The following DENND4C variants were observed in gnomAD, a reference collection of about 807,000 sequenced individuals.
DENND4C encodes DENN domain-containing protein 4C.
Under a neutral mutation model 203.0 loss-of-function variants are expected in DENND4C, and 108 were observed. That is an observed-to-expected ratio of 0.53 (90% CI 0.46 to 0.62). The LOEUF is 0.62. Among genes scored for constraint, DENND4C ranks in the 20% least tolerant of loss-of-function variants. DENND4C has a pLI of 0.00. For synonymous variants in DENND4C, 871 were observed against 792.4 expected (o/e 1.10, Z -1.67); for missense variants, 2,481 against 2,301.2 (o/e 1.08, Z -1.60).
At chr9:19,323,986 A>G (rs1843310399) in intron 12 of DENND4C, among the ~76,000 whole-genome samples, 1 of 152,216 alleles carries the variant, frequency 6.6e-6, no homozygotes, top group African/African-American at 2.4e-5. Flanking sequence ...TTCTACACGT[A>G]AGTACTTAAC....
intron 5 of DENND4C, 25 bp from the exon 6 acceptor site, chr9:19,295,983 A>C: frequency 1.3e-6 from 2 of 1,516,820 alleles, no homozygotes; most frequent in Non-Finnish European, 1.8e-6. Flanking sequence ...CTCAAATCTT[A>C]TAACAGAATT....
intron 20 of DENND4C, chr9:19,337,633 C>A (rs1248525954): frequency 7.8e-7 from 1 of 1,287,820 alleles, no homozygotes; most frequent in Non-Finnish European, 1.0e-6. Flanking sequence ...TATGGATACA[C>A]GTGTGCATTA....
chr9:19,301,224 T>C (rs1176801786), intron 9 of DENND4C, among the ~76,000 whole-genome samples: 1 of 151,926 alleles, frequency 6.6e-6, no homozygotes, highest in Non-Finnish European at 1.5e-5. Context: ...TGTATAGGGC[T>C]TTATAGGCCA....
Position 19,296,165 on chromosome 9 carries a change from C to G in DENND4C, c.959C>G (p.Pro320Arg), listed in dbSNP as rs1426621012. The change falls in exon 6 of 33, where the codon CCT becomes CGT. Residue 320 changes from proline to arginine, a missense_variant. By Grantham distance (103) the Pro-to-Arg change is moderately radical. Transcript: ENST00000434457. ...NKCICLLSHW[P>R]FFEAFRKFLM... is the part of the protein sequence containing the mutation. ...TGCATTTGTTTACTCTCACACTGGC[C>G]TTTTTTTGAAGCTTTTAGGAAATTT... 6.2e-7 allele frequency: 1 copy of G among 1,613,534 alleles called. No homozygotes were observed. The highest frequency in any genetic ancestry group is 8.5e-7 in the Non-Finnish European group (1 of 1,179,848).
intron 1 of DENND4C, among the ~76,000 whole-genome samples, chr9:19,245,680 C>A (rs1439097180): frequency 1.3e-5 from 2 of 152,014 alleles, no homozygotes; most frequent in Non-Finnish European, 2.9e-5. Flanking sequence ...CGTGGTGAAA[C>A]CCCGTCTCTA....
At chr9:19,302,246 A>C (rs930286041) in intron 9 of DENND4C, among the ~76,000 whole-genome samples, 2 of 152,256 alleles carry the variant, frequency 1.3e-5, no homozygotes, top group Non-Finnish European at 2.9e-5. Context: ...AATGCATCAA[A>C]AGGAGAATGA....
intron 1 of DENND4C, among the ~76,000 whole-genome samples, chr9:19,252,277 C>A (rs1323764211): frequency 1.3e-5 from 2 of 152,144 alleles, no homozygotes; most frequent in African/African-American, 4.8e-5. Context: ...TTATTCACTT[C>A]CATGAGAACA....
chr9:19,318,531 G>A (rs1842215879), intron 12 of DENND4C, among the ~76,000 whole-genome samples: 1 of 152,120 alleles, frequency 6.6e-6, no homozygotes, highest in Non-Finnish European at 1.5e-5. Flanking sequence ...AAAGCACAAG[G>A]TCTGCGGATT....
chr9:19,362,107 CTA>C, intron 30 of DENND4C, 144 bp downstream of exon 30: 1 of 517,494 alleles, frequency 1.9e-6, no homozygotes, highest in South Asian at 2.2e-5. Context: ...AATCCTGTCT[CTA>C]TTAAAAATAC....
intron 12 of DENND4C, among the ~76,000 whole-genome samples, chr9:19,321,318 T>A (rs1842835784): frequency 6.6e-6 from 1 of 152,076 alleles, no homozygotes; most frequent in Non-Finnish European, 1.5e-5. Flanking sequence ...GGAATTAGAT[T>A]GAGTAGAACC....
At chr9:19,237,287 G>T (rs1822214006) in intron 1 of DENND4C, among the ~76,000 whole-genome samples, 1 of 152,198 alleles carries the variant, frequency 6.6e-6, no homozygotes. Flanking sequence ...CCAGAGTGCT[G>T]GGATTACAGG....
rs183267536 is a variant in DENND4C, at chr9:19,352,281, A to T, written c.4605+99A>T. On this transcript the variant is annotated intron_variant, in intron 25 of 32. Transcript: ENST00000434457. ...ATTCTAAGATACCCTTGTGGACAGT[A>T]TAATAAAATAAGTCATTTTGTTGAA... 2.0e-5 allele frequency: 23 copies of T among 1,171,188 alleles called. No individual in the cohort carries two copies. In the East Asian group the frequency reaches 5.0e-4, roughly 25 times the overall value. 72.5% of individuals were successfully genotyped at this position (1,171,188 alleles called of 1,614,324 possible). A position where few individuals can be genotyped will look rare whatever the true frequency, so the allele number is the denominator to read the frequency against.
chr9:19,240,344 CAT>C (rs747144350), intron 1 of DENND4C, among the ~76,000 whole-genome samples: 4 of 152,034 alleles, frequency 2.6e-5, no homozygotes, highest in Non-Finnish European at 4.4e-5. Context: ...TGTATCTAAA[CAT>C]AGAAAAGATA....
intron 1 of DENND4C, among the ~76,000 whole-genome samples, chr9:19,256,610 TG>T (rs1208906673): frequency 1.3e-5 from 2 of 152,006 alleles, no homozygotes; most frequent in Admixed American, 1.3e-4. Context: ...CCACCACGCC[TG>T]GCACTTGCTT....
At chr9:19,245,445 C>T (rs1325831988) in intron 1 of DENND4C, among the ~76,000 whole-genome samples, 9 of 137,566 alleles carry the variant, frequency 6.5e-5, no homozygotes, top group South Asian at 4.8e-4. Flanking sequence ...CCTGCCTGGG[C>T]GACAGAGTAA....
rs751736187 is a variant in DENND4C at position 19,296,093 on chromosome 9, C to T, written c.887C>T (p.Thr296Met). 3.4e-5 allele frequency: 55 copies of T among 1,613,858 alleles called. No homozygotes were observed. Among genetic ancestry groups the T allele is most frequent in the South Asian group, 5.5e-5 (5 of 91,084 alleles). The change falls in exon 6 of 33, where the codon ACG (threonine) becomes ATG (methionine). Residue 296 changes from threonine (T) to methionine (M), a missense_variant. Around this residue, in one of 3 missense-constraint regions of DENND4C, gnomAD observed 2,289 missense variants for 2,113.3 expected, o/e 1.08. Coordinates refer to ENST00000434457, the MANE Select transcript of DENND4C (RefSeq NM_001330640.2). ...EKQLMHLGLL[T>M]PVERKMVSKS... ...CAGCTTATGCACCTGGGCTTGTTGA[C>T]GCCTGTGGAGAGAAAAATGGTCTCC...
intron 1 of DENND4C, among the ~76,000 whole-genome samples, chr9:19,243,528 C>T (rs556794366): frequency 6.6e-6 from 1 of 152,304 alleles, no homozygotes; most frequent in African/African-American, 2.4e-5. Context: ...CATTCCCAGT[C>T]TCCTAGTCCC....
At chr9:19,239,348 G>A (rs1397355764) in intron 1 of DENND4C, among the ~76,000 whole-genome samples, 1 of 151,798 alleles carries the variant, frequency 6.6e-6, no homozygotes, top group Admixed American at 6.6e-5. Flanking sequence ...TTTTGATCAG[G>A]GGTTATTTAG....
chr9:19,311,136 G>C (rs1239947137), intron 10 of DENND4C, among the ~76,000 whole-genome samples: 1 of 151,526 alleles, frequency 6.6e-6, no homozygotes, highest in Non-Finnish European at 1.5e-5. Context: ...TTTTTCCTTT[G>C]TTTGACAGAG....
Sources: allele counts gnomAD v4.1 joint callset (sites outside exome capture counted in the v4.1 genomes callset), GRCh38; gene constraint gnomAD v4.1.1; regional missense constraint gnomAD v4.1.1; transcripts MANE v1.5; gene names NCBI Gene and HGNC (gene_info 2026-07-23, HGNC 2026-07-21).